Variants in PPP6R3 observed in about 807,000 individuals in gnomAD.
The protein encoded by PPP6R3 is protein phosphatase 6 regulatory subunit 3.
Under a neutral mutation model 110.7 loss-of-function variants are expected in PPP6R3, and 38 were observed. The observed-to-expected ratio is 0.34, with a 90% CI of 0.26 to 0.45. The LOEUF (loss-of-function observed/expected upper bound fraction) is 0.45. PPP6R3 is among the 20% of genes least tolerant of loss of function. PPP6R3 has a pLI of 1.00. For missense variants in PPP6R3, 870 were observed against 1,062.4 expected (o/e 0.82, Z 2.52); for synonymous variants, 369 against 373.5 (o/e 0.99, Z 0.14).
chr11:68,507,564 C>T (rs565246727), intron 1 of PPP6R3, among the ~76,000 whole-genome samples: 1 of 152,058 alleles, frequency 6.6e-6, no homozygotes, highest in Admixed American at 6.6e-5. Flanking sequence ...GTGAACAAGT[C>T]CTTGTAGAGA....
chr11:68,546,730 A>G (rs1341435338), intron 4 of PPP6R3, among the ~76,000 whole-genome samples: 3 of 152,224 alleles, frequency 2.0e-5, no homozygotes, highest in Admixed American at 1.3e-4. Context: ...ATGGTGGGGC[A>G]TCTTCAGTGC....
chr11:68,540,687 C>A (rs1276031059), intron 3 of PPP6R3, among the ~76,000 whole-genome samples: 1 of 141,938 alleles, frequency 7.0e-6, no homozygotes, highest in Non-Finnish European at 1.6e-5. Context: ...GATGACCACA[C>A]CCAGGGGGGC....
chr11:68,572,964 C>T (rs1300327586), intron 12 of PPP6R3, among the ~76,000 whole-genome samples: 1 of 150,502 alleles, frequency 6.6e-6, no homozygotes, highest in Non-Finnish European at 1.5e-5. Flanking sequence ...TTTCTTATTG[C>T]TCCTGAAAGG....
At position 68,610,030 on chromosome 11, in the gene PPP6R3, AC is replaced by A; in HGVS notation, c.2570+10del. The A allele has an allele frequency of 6.2e-7, 1 of 1,612,346 alleles. No individual in the cohort carries two copies. Among genetic ancestry groups the A allele is most frequent in the African/African-American group, 1.3e-5 (1 of 74,892 alleles). On this transcript the variant is annotated splice_region_variant and intron_variant, in intron 23 of 23. Transcript: ENST00000393800. Reference sequence around the variant, plus strand: ...GCAGCAGTCCCGAGCAGAGGTAACCACCCGCCTCCTCAAACCCACCCAGGCC... The same window carrying A: ...GCAGCAGTCCCGAGCAGAGGTAACCACCGCCTCCTCAAACCCACCCAGGCC...
intron 8 of PPP6R3, among the ~76,000 whole-genome samples, chr11:68,563,989 C>T (rs1037659937): frequency 9.2e-5 from 14 of 152,142 alleles, no homozygotes; most frequent in East Asian, 1.9e-4. Context: ...GGATCCCTTT[C>T]GCTTTCCAAA....
intron 14 of PPP6R3, among the ~76,000 whole-genome samples, chr11:68,582,781 T>A (rs1482920070): frequency 1.3e-5 from 2 of 152,198 alleles, no homozygotes; most frequent in Non-Finnish European, 2.9e-5. Flanking sequence ...TAACTCACCT[T>A]TCTTCTTGTC....
chr11:68,527,076 C>T (rs980720325), intron 2 of PPP6R3, among the ~76,000 whole-genome samples: 10 of 152,140 alleles, frequency 6.6e-5, no homozygotes, highest in African/African-American at 2.2e-4. Context: ...GTGTATTTCC[C>T]AGACAGCTTA....
At chr11:68,469,805 A>C (rs950362889) in intron 1 of PPP6R3, among the ~76,000 whole-genome samples, 1 of 152,114 alleles carries the variant, frequency 6.6e-6, no homozygotes, top group African/African-American at 2.4e-5. Context: ...TAGGAAATAG[A>C]AGGTTGCCAT....
intron 1 of PPP6R3, among the ~76,000 whole-genome samples, chr11:68,478,646 A>ATTTTTTTTTTTTTT (rs1565292839): frequency 9.3e-5 from 1 of 10,754 alleles, no homozygotes; most frequent in African/African-American, 3.1e-4. Flanking sequence ...GCACTTGGTA[A>ATTTTTTTTTTTTTT]GTTTTTTTTT....
intron 1 of PPP6R3, among the ~76,000 whole-genome samples, chr11:68,490,633 T>A (rs2098978119): frequency 2.0e-5 from 3 of 152,120 alleles, no homozygotes. Context: ...TTCTGTTTTT[T>A]TTTTCTTTTG....
rs146363466 is a variant in PPP6R3 at position 68,509,328 on chromosome 11, A to T, written c.-157-10173A>T. Among the ~76,000 whole-genome samples the T allele has an allele frequency of 2.1e-3, 316 of 152,260 alleles. 2 individuals are homozygous for T. Among genetic ancestry groups the T allele is most frequent in the African/African-American group, 7.4e-3 (306 of 41,544 alleles). ...TGCTGTAGTATGTCTGGATACTGTC[A>T]GTTAAATTCTTTCCCTGTGAGGATA... On this transcript the variant is annotated intron_variant, in intron 1 of 23. Coordinates refer to ENST00000393800, the MANE Select transcript of PPP6R3 (RefSeq NM_001164161.2).
At chr11:68,501,073 A>C (rs945872752) in intron 1 of PPP6R3, among the ~76,000 whole-genome samples, 1 of 151,948 alleles carries the variant, frequency 6.6e-6, no homozygotes, top group African/African-American at 2.4e-5. Flanking sequence ...TGCTGTTGTT[A>C]GTTTTTTCAT....
chr11:68,490,194 C>T (rs542845687), intron 1 of PPP6R3, among the ~76,000 whole-genome samples: 78 of 152,182 alleles, frequency 5.1e-4, no homozygotes, highest in African/African-American at 1.8e-3. Flanking sequence ...GATACTTTTT[C>T]AGGGTGCAGA....
At chr11:68,548,846 C>T (rs1395607870) in intron 5 of PPP6R3, among the ~76,000 whole-genome samples, 1 of 152,082 alleles carries the variant, frequency 6.6e-6, no homozygotes, top group Non-Finnish European at 1.5e-5. Context: ...AGGTTTCTCC[C>T]AGGCTCCCAT....
chr11:68,472,122 A>AG (rs1324494999), intron 1 of PPP6R3, among the ~76,000 whole-genome samples: 1 of 152,096 alleles, frequency 6.6e-6, no homozygotes, highest in Non-Finnish European at 1.5e-5. Context: ...CTGGAAGGAG[A>AG]GTAGGCATTG....
chr11:68,557,026 T>G (rs1311186946), intron 7 of PPP6R3, among the ~76,000 whole-genome samples: 1 of 152,230 alleles, frequency 6.6e-6, no homozygotes, highest in Non-Finnish European at 1.5e-5. Context: ...CTCTGATGAG[T>G]AAGAGCGCTA....
intron 1 of PPP6R3, among the ~76,000 whole-genome samples, chr11:68,472,621 T>G (rs1400987776): frequency 6.6e-6 from 1 of 152,078 alleles, no homozygotes; most frequent in Non-Finnish European, 1.5e-5. Flanking sequence ...CTCGGGGTTT[T>G]TTTTTTTTTA....
intron 1 of PPP6R3, among the ~76,000 whole-genome samples, chr11:68,470,347 G>A (rs1164294905): frequency 2.6e-5 from 4 of 152,056 alleles, no homozygotes; most frequent in Admixed American, 6.6e-5. Context: ...CATTATAGGC[G>A]GAGGGTCAGC....
intron 1 of PPP6R3, among the ~76,000 whole-genome samples, chr11:68,518,785 G>T (rs960880794): frequency 6.6e-5 from 10 of 152,198 alleles, no homozygotes; most frequent in Admixed American, 5.2e-4. Context: ...TTTTATGGGG[G>T]AAAGGCATTA....
Sources: allele counts gnomAD v4.1 joint callset (sites outside exome capture counted in the v4.1 genomes callset), GRCh38; gene constraint gnomAD v4.1.1; transcripts MANE v1.5; gene names NCBI Gene and HGNC (gene_info 2026-07-23, HGNC 2026-07-21).